Variants in USP50 observed in about 807,000 individuals in gnomAD.
The protein encoded by USP50 is ubiquitin carboxyl-terminal hydrolase 50.
USP50 carries 37 observed loss-of-function variants against 39.2 expected under a neutral mutation model. The observed-to-expected ratio is 0.94, with a 90% confidence interval of 0.73 to 1.24. The LOEUF (loss-of-function observed/expected upper bound fraction) is 1.24. Among genes scored for constraint, USP50 ranks in the 50% most tolerant of loss-of-function variants. The pLI is 0.00. For missense variants in USP50, 374 were observed against 398.2 expected (o/e 0.94, Z 0.52); for synonymous variants, 139 against 144.5 (o/e 0.96, Z 0.27).
At chr15:50,531,992 A>G in intron 5 of USP50, 1 of 379,362 alleles carries the variant, frequency 2.6e-6, no homozygotes, top group South Asian at 2.0e-5. Flanking sequence ...ACCAGCAAAC[A>G]TAGAGAATCA....
downstream of USP50, chr15:50,496,197 T>G (rs1003434942): frequency 6.6e-6 from 6 of 904,636 alleles, no homozygotes; most frequent in African/African-American, 1.0e-4. Context: ...TCAGTAAAAC[T>G]CGGCCGGGCG....
At chr15:50,541,381 C>T in intron 3 of USP50, 117 bp from the exon 4 acceptor site, 2 of 786,626 alleles carry the variant, frequency 2.5e-6, no homozygotes, top group Middle Eastern at 3.8e-4. Context: ...GGCATGGTGG[C>T]ACACATCTGT....
At chr15:50,531,681 A>G (rs1401231113) in intron 5 of USP50, among the ~76,000 whole-genome samples, 1 of 152,184 alleles carries the variant, frequency 6.6e-6, no homozygotes, top group African/African-American at 2.4e-5. Context: ...TTAGGTAAGC[A>G]TACCCTAATA....
At chr15:50,517,075 C>T (rs1056804447) in intron 6 of USP50, among the ~76,000 whole-genome samples, 1 of 152,196 alleles carries the variant, frequency 6.6e-6, no homozygotes, top group Non-Finnish European at 1.5e-5. Flanking sequence ...CTGGCATATA[C>T]AGAACATTCC....
chr15:50,503,365 T>C (rs753959303), intron 6 of USP50: 1 of 152,242 alleles, frequency 6.6e-6, no homozygotes, highest in Non-Finnish European at 1.5e-5. Flanking sequence ...TGGTGTGTGG[T>C]TTATGCTTTG....
intron 5 of USP50, among the ~76,000 whole-genome samples, chr15:50,530,686 C>A (rs1217868089): frequency 2.6e-5 from 4 of 152,078 alleles, no homozygotes; most frequent in African/African-American, 9.7e-5. Context: ...CATCCACAAG[C>A]CTCACCAAAA....
intron 6 of USP50, chr15:50,512,331 A>T (rs2052749181): frequency 6.6e-6 from 1 of 152,020 alleles, no homozygotes; most frequent in South Asian, 2.1e-4. Context: ...CTGTTAAAAA[A>T]AAAAAAAATA....
chr15:50,495,452 CTT>C (rs1314223334), intron 1 of USP50, among the ~76,000 whole-genome samples: 2 of 147,540 alleles, frequency 1.4e-5, no homozygotes, highest in African/African-American at 5.2e-5. Context: ...AAAAACCAAA[CTT>C]TTTAGCTTTT....
intron 4 of USP50, among the ~76,000 whole-genome samples, chr15:50,539,652 G>C (rs1208100834): frequency 6.6e-6 from 1 of 152,076 alleles, no homozygotes; most frequent in East Asian, 1.9e-4. Context: ...TTGATCTCGT[G>C]ATCCGCCCGC....
chr15:50,526,575 G>C (rs553637579), intron 6 of USP50, among the ~76,000 whole-genome samples: 2 of 152,342 alleles, frequency 1.3e-5, no homozygotes, highest in East Asian at 3.9e-4. Context: ...GTTTGCTAAT[G>C]CATATGTACA....
At chr15:50,519,579 G>A (rs2052831465) in intron 6 of USP50, among the ~76,000 whole-genome samples, 1 of 152,120 alleles carries the variant, frequency 6.6e-6, no homozygotes, top group Non-Finnish European at 1.5e-5. Flanking sequence ...GGCGGGTGCG[G>A]TGGCGGGCAC....
intron 1 of USP50, chr15:50,494,249 T>C: frequency 6.2e-7 from 1 of 1,611,358 alleles, no homozygotes; most frequent in Non-Finnish European, 8.5e-7. Flanking sequence ...CTTCTGTTCC[T>C]AATGGATGGT....
rs553634288 is a variant in USP50 at position 50,495,486 on chromosome 15, A to AG, written n.185-1357dup. 2.3e-3 allele frequency among the ~76,000 whole-genome samples: 242 copies of AG among 106,836 alleles called. 12 individuals are homozygous for AG. The highest frequency in any genetic ancestry group is 0.011 in the Admixed American group (104 of 9,188). The allele number at this position is 106,836 out of a possible 152,430, so 70.1% of individuals were successfully genotyped here. A position where few individuals can be genotyped will look rare whatever the true frequency, so the allele number is the denominator to read the frequency against. On this transcript the variant is annotated intron_variant and non_coding_transcript_variant, in intron 1 of 1. Coordinates refer to the USP50 transcript ENST00000560159. Reference sequence around the variant, plus strand: ...TTTTTCTTTTTTTAGTAGAGATTGGAGGGGGGGGTCTCACTATGTTGCACA... The same window carrying AG: ...TTTTTCTTTTTTTAGTAGAGATTGGAGGGGGGGGGTCTCACTATGTTGCACA...
intron 6 of USP50, among the ~76,000 whole-genome samples, chr15:50,527,727 T>C (rs1296794873): frequency 6.6e-6 from 1 of 150,736 alleles, no homozygotes; most frequent in African/African-American, 2.4e-5. Context: ...TTCTGCCTCC[T>C]GGGTTCAAGC....
At chr15:50,499,084 C>A, downstream of USP50, 1 of 1,598,238 alleles carries the variant, frequency 6.3e-7, no homozygotes, top group Non-Finnish European at 8.5e-7. Context: ...GATGTAGCCA[C>A]ATAAGGAGAC....
intron 6 of USP50, among the ~76,000 whole-genome samples, chr15:50,518,465 C>A (rs1397338047): frequency 2.6e-5 from 4 of 151,970 alleles, no homozygotes; most frequent in African/African-American, 9.7e-5. Flanking sequence ...CCCACCTCGG[C>A]CTCCCAAAGT....
rs527739969 is a variant in USP50 at position 50,545,137 on chromosome 15, C to A, written c.54-356G>T. Among the ~76,000 whole-genome samples, 5 of 152,028 alleles carry A rather than the reference C, an allele frequency of 3.3e-5. No individual in the cohort carries two copies. In the East Asian group the frequency reaches 9.6e-4, roughly 29 times the overall value. On this transcript the variant is annotated intron_variant, in intron 1 of 6. Transcript: ENST00000532404. ...CTTAGACCAGAACTGTGAACAAGTA[C>A]CTGAAGCCAAATAAGACAGATAAAA...
intron 5 of USP50, among the ~76,000 whole-genome samples, chr15:50,532,951 G>C (rs1001850717): frequency 1.3e-5 from 2 of 152,146 alleles, no homozygotes; most frequent in Non-Finnish European, 2.9e-5. Context: ...CACAGCTGAA[G>C]AAAGAATCTC....
chr15:50,504,097 TACA>T (rs1248238104), intron 6 of USP50: 1 of 152,132 alleles, frequency 6.6e-6, no homozygotes, highest in East Asian at 1.9e-4. Context: ...GAAAAAATAA[TACA>T]ACAATAAAAA....
Sources: gnomAD v4.1 joint callset for allele counts (sites outside exome capture counted in the v4.1 genomes callset) on GRCh38, gnomAD v4.1.1 for gene constraint, MANE v1.5 for transcripts, NCBI Gene and HGNC (gene_info 2026-07-23, HGNC 2026-07-21) for gene names.